The following STRN variants were observed in gnomAD, a reference collection of about 807,000 sequenced individuals.
STRN encodes the protein striatin.
STRN carries 53 observed loss-of-function variants against 96.3 expected under a neutral mutation model. That is an observed-to-expected ratio of 0.55 (90% CI 0.44 to 0.69). STRN has a LOEUF of 0.69. STRN is among the 30% of genes least tolerant of loss of function. The pLI, the probability that STRN is intolerant of heterozygous loss-of-function variation, is 0.00. For synonymous variants in STRN, 428 were observed against 355.9 expected (o/e 1.20, Z -2.28); for missense variants, 987 against 963.9 (o/e 1.02, Z -0.32).
chr2:36,891,305 T>C (rs916112531), intron 7 of STRN, among the ~76,000 whole-genome samples: 2 of 152,170 alleles, frequency 1.3e-5, no homozygotes, highest in African/African-American at 4.8e-5. Context: ...GGCAGGCAGA[T>C]CATTTGAGGC....
intron 10 of STRN, among the ~76,000 whole-genome samples, chr2:36,876,101 T>G (rs1453679468): frequency 6.6e-6 from 1 of 152,016 alleles, no homozygotes; most frequent in African/African-American, 2.4e-5. Flanking sequence ...AAAGCCTGTC[T>G]CTACCAAAAA....
At chr2:36,883,461 A>C (rs1295572057) in intron 9 of STRN, among the ~76,000 whole-genome samples, 1 of 152,180 alleles carries the variant, frequency 6.6e-6, no homozygotes, top group Non-Finnish European at 1.5e-5. Context: ...CATCTCAAAA[A>C]ACAAAAAAAA....
chr2:36,876,031 G>A (rs564634939), intron 10 of STRN, among the ~76,000 whole-genome samples: 1 of 152,278 alleles, frequency 6.6e-6, no homozygotes, highest in Admixed American at 6.5e-5. Flanking sequence ...TTTAGTGGGA[G>A]GCTGAGGCAG....
chr2:36,957,431 T>C (rs546670508), intron 1 of STRN, among the ~76,000 whole-genome samples: 4 of 151,858 alleles, frequency 2.6e-5, no homozygotes, highest in African/African-American at 9.7e-5. Context: ...CTACTAAAAA[T>C]ACAAAAATTA....
At chr2:36,859,053 A>C (rs1668416622) in intron 13 of STRN, among the ~76,000 whole-genome samples, 1 of 152,220 alleles carries the variant, frequency 6.6e-6, no homozygotes, top group Admixed American at 6.5e-5. Flanking sequence ...TAAATGTATA[A>C]GCAATTCAGT....
intron 7 of STRN, among the ~76,000 whole-genome samples, chr2:36,891,706 A>G (rs1669404681): frequency 6.6e-6 from 1 of 152,228 alleles, no homozygotes; most frequent in Non-Finnish European, 1.5e-5. Flanking sequence ...GTAAGCACAA[A>G]TTAGTTTTAC....
At chr2:36,872,610 G>A (rs1012879695) in intron 10 of STRN, among the ~76,000 whole-genome samples, 1 of 152,162 alleles carries the variant, frequency 6.6e-6, no homozygotes, top group Admixed American at 6.5e-5. Flanking sequence ...ATGAAACCAG[G>A]AACTACTTTG....
At chr2:36,961,831 T>C (rs1665036406) in intron 1 of STRN, among the ~76,000 whole-genome samples, 1 of 152,234 alleles carries the variant, frequency 6.6e-6, no homozygotes, top group Non-Finnish European at 1.5e-5. Context: ...TTGACATGAC[T>C]TCTTCCATTC....
intron 6 of STRN, among the ~76,000 whole-genome samples, chr2:36,895,039 A>C (rs1156596744): frequency 6.6e-6 from 1 of 152,190 alleles, no homozygotes; most frequent in Non-Finnish European, 1.5e-5. Context: ...AAAAACTGTA[A>C]AGGAGTGGCC....
At chr2:36,962,843 C>A (rs759047583) in intron 1 of STRN, among the ~76,000 whole-genome samples, 6 of 152,162 alleles carry the variant, frequency 3.9e-5, no homozygotes, top group Non-Finnish European at 8.8e-5. Context: ...AGCCTTCTCC[C>A]CAAATGATAA....
intron 1 of STRN, among the ~76,000 whole-genome samples, chr2:36,960,259 G>A (rs928848645): frequency 5.3e-5 from 8 of 152,196 alleles, no homozygotes; most frequent in African/African-American, 1.7e-4. Flanking sequence ...GAATTTCAAG[G>A]TAACAGATAC....
At chr2:36,963,269 A>G (rs1283791454) in intron 1 of STRN, among the ~76,000 whole-genome samples, 2 of 152,210 alleles carry the variant, frequency 1.3e-5, no homozygotes, top group Non-Finnish European at 2.9e-5. Flanking sequence ...GCAACCTGAA[A>G]GAGCAGGACT....
intron 1 of STRN, among the ~76,000 whole-genome samples, chr2:36,934,799 G>A (rs1189293226): frequency 6.6e-6 from 1 of 152,146 alleles, no homozygotes; most frequent in Non-Finnish European, 1.5e-5. Context: ...CAATTAGGCT[G>A]GGCACGGTGG....
chr2:36,899,626 A>T lies in STRN; in HGVS notation c.692T>A (p.Leu231Gln). 1 of 1,613,110 alleles carries T rather than the reference A, an allele frequency of 6.2e-7. No homozygotes were observed. ...KSELTDSASV[L>Q]DNFKFLESAA... ...ACTTTCAAGGAATTTGAAATTATCC[A>T]GCACGGAGGCAGAATCTGTTAACTC... The change falls in exon 6 of 18, where the codon CTG (leucine) becomes CAG (glutamine). Residue 231 changes from leucine (L) to glutamine (Q), a missense_variant. Transcript: ENST00000263918.
rs562514459 is a variant in STRN at position 36,906,427 on chromosome 2, C to G, written c.413-809G>C. ...TGAGCTGTGATCGTGCCACTGTACT[C>G]CAGCCTAGGCAACAGAGGGAGGCTC... On this transcript the variant is annotated intron_variant, in intron 3 of 17. Coordinates refer to ENST00000263918, the MANE Select transcript of STRN (RefSeq NM_003162.4). Among the ~76,000 whole-genome samples the G allele has an allele frequency of 2.0e-5, 3 of 151,626 alleles. No individual in the cohort carries two copies. The South Asian group carries it at 6.2e-4, about 32-fold the overall frequency.
chr2:36,903,900 G>A (rs1043772255), intron 4 of STRN, among the ~76,000 whole-genome samples: 1 of 152,104 alleles, frequency 6.6e-6, no homozygotes, highest in Non-Finnish European at 1.5e-5. Context: ...AATAATATTT[G>A]AGACATACCT....
chr2:36,877,839 T>C (rs1371931358), intron 10 of STRN, 52 bp downstream of exon 10: 3 of 1,604,420 alleles, frequency 1.9e-6, no homozygotes, highest in Non-Finnish European at 2.6e-6. Flanking sequence ...CCAGCCCAAG[T>C]TTTTGTTTTT....
At chr2:36,895,093 C>T (rs867067986) in intron 6 of STRN, among the ~76,000 whole-genome samples, 2 of 151,926 alleles carry the variant, frequency 1.3e-5, no homozygotes, top group Admixed American at 6.6e-5. Context: ...TTTGGGAGGC[C>T]GAGGTGGGTG....
intron 1 of STRN, among the ~76,000 whole-genome samples, chr2:36,962,145 G>C (rs140333791): frequency 1.3e-5 from 2 of 152,126 alleles, no homozygotes; most frequent in Admixed American, 6.5e-5. Context: ...CCGGTATCTA[G>C]AACAAGGTCT....
Sources: allele counts gnomAD v4.1 joint callset (sites outside exome capture counted in the v4.1 genomes callset), GRCh38; gene constraint gnomAD v4.1.1; transcripts MANE v1.5; gene names NCBI Gene and HGNC (gene_info 2026-07-23, HGNC 2026-07-21).